ILRUN: variants seen among roughly 807,000 people sequenced by gnomAD.
ILRUN encodes the protein inflammation and lipid regulator with UBA-like and NBR1-like domains, also known as protein ILRUN.
A neutral mutation model predicts 33.8 loss-of-function variants in ILRUN; 3 were observed. That is an observed-to-expected ratio of 0.09 (90% CI 0.04 to 0.23). ILRUN has a LOEUF of 0.23. Among genes scored for constraint, ILRUN ranks in the 10% least tolerant of loss-of-function variants. The pLI is 1.00. For synonymous variants in ILRUN, 124 were observed against 138.9 expected (o/e 0.89, Z 0.75); for missense variants, 210 against 375.1 (o/e 0.56, Z 3.64).
chr6:34,614,842 C>T (rs1396684559), intron 3 of ILRUN, among the ~76,000 whole-genome samples: 1 of 152,134 alleles, frequency 6.6e-6, no homozygotes, highest in East Asian at 1.9e-4. Context: ...CTGTGGTATT[C>T]TTTCTAAACC....
chr6:34,646,760 C>T lies in ILRUN; in HGVS notation c.352G>A (p.Val118Ile). ...AWPPGVCLKY[V>I]GGDQFGHVNM... is the part of the protein sequence containing the mutation. ...ACATGTCCAAATTGGTCTCCCCCGA[C>T]ATATTTAAGACAAACCCCTGGAGGC... The change falls in exon 3 of 5, where the codon GTC becomes ATC. Residue 118 changes from valine (V) to isoleucine (I), a missense_variant. Around this residue, in one of 4 missense-constraint regions of ILRUN, gnomAD observed 60 missense variants for 138.1 expected, o/e 0.43. Coordinates refer to ENST00000374023, the MANE Select transcript of ILRUN (RefSeq NM_024294.4). This position sits in a 1 kb window ranked among gnomAD's most constrained non-coding sequence, Gnocchi z 4.9. 6.2e-7 allele frequency: 1 copy of T among 1,614,086 alleles called. No individual in the cohort carries two copies. The highest frequency in any genetic ancestry group is 8.5e-7 in the Non-Finnish European group (1 of 1,180,034).
chr6:34,696,401 G>A, intron 1 of ILRUN, 45 bp downstream of exon 1: 1 of 1,524,056 alleles, frequency 6.6e-7, no homozygotes. Context: ...TCCCCTCGGG[G>A]CCCCCGAGGC....
chr6:34,663,639 C>T (rs1762937467), intron 1 of ILRUN, among the ~76,000 whole-genome samples: 1 of 152,128 alleles, frequency 6.6e-6, no homozygotes, highest in African/African-American at 2.4e-5. Context: ...CCACCCCGTC[C>T]AGCTAAGGTC....
At chr6:34,638,111 C>A (rs191165680) in intron 3 of ILRUN, among the ~76,000 whole-genome samples, 1 of 152,106 alleles carries the variant, frequency 6.6e-6, no homozygotes, top group Non-Finnish European at 1.5e-5. Context: ...TGGTCTTGGG[C>A]TCCTGGGCTC....
At chr6:34,662,124 CAAAAAAAAAAAAAA>C (rs57423564) in intron 1 of ILRUN, among the ~76,000 whole-genome samples, 93 of 39,982 alleles carry the variant, frequency 2.3e-3, no homozygotes, top group South Asian at 6.2e-3. Flanking sequence ...GACTCCGTCT[CAAAAAAAAAAAAAA>C]AAAAAAAAAA....
At chr6:34,676,703 A>C (rs1237135711) in intron 1 of ILRUN, among the ~76,000 whole-genome samples, 1 of 152,090 alleles carries the variant, frequency 6.6e-6, no homozygotes, top group East Asian at 1.9e-4. Flanking sequence ...ATTTCAGTAC[A>C]TATATAAAAT....
chr6:34,587,704 G>A lies in ILRUN; in HGVS notation c.*2861C>T, dbSNP rs1205965589. On this transcript the variant is annotated 3_prime_UTR_variant, in exon 5 of 5. Coordinates refer to ENST00000374023, the MANE Select transcript of ILRUN (RefSeq NM_024294.4). ...CTTAAGGTTACAGCCAGTCCTTATG[G>A]GGGAGAGAAGGCTGACTGCTTCTTG... 1 of 187,520 alleles carries A rather than the reference G, an allele frequency of 5.3e-6. No individual in the cohort carries two copies. The highest frequency in any genetic ancestry group is 1.1e-5 in the Non-Finnish European group (1 of 91,418). 11.6% of individuals were successfully genotyped at this position (187,520 alleles called of 1,614,324 possible).
chr6:34,590,795 A>ATC (rs1487405884), intron 4 of ILRUN, among the ~76,000 whole-genome samples, 195 bp from the exon 5 acceptor site: 113 of 152,338 alleles, frequency 7.4e-4, no homozygotes, highest in African/African-American at 1.6e-3. Context: ...TTTCTCACTG[A>ATC]ATCCAAAGAT....
At chr6:34,621,973 C>T (rs899998303) in intron 3 of ILRUN, among the ~76,000 whole-genome samples, 3 of 152,114 alleles carry the variant, frequency 2.0e-5, no homozygotes, top group Admixed American at 6.5e-5. Context: ...ATTTCAACAA[C>T]GGTGCCAAAA....
At chr6:34,628,862 T>A (rs1762192530) in intron 3 of ILRUN, among the ~76,000 whole-genome samples, 2 of 151,022 alleles carry the variant, frequency 1.3e-5, no homozygotes, top group Non-Finnish European at 2.9e-5. Context: ...ACACCTGTAA[T>A]CCCAGGACTT....
chr6:34,696,620 C>T lies in ILRUN; in HGVS notation c.-17G>A. 6.3e-7 allele frequency: 1 copy of T among 1,579,464 alleles called. No individual in the cohort carries two copies. The highest frequency in any genetic ancestry group is 8.6e-7 in the Non-Finnish European group (1 of 1,166,266). ...GCCCTCCATGGCGGGGACCGGACAC[C>T]CGCTTCCCCGCCTCTTCACAACCAA... is the stretch of plus-strand genomic sequence containing the variant. On this transcript the variant is annotated 5_prime_UTR_variant, in exon 1 of 5. Coordinates refer to ENST00000374023, the MANE Select transcript of ILRUN (RefSeq NM_024294.4).
chr6:34,691,692 A>T (rs1222983626), intron 1 of ILRUN, among the ~76,000 whole-genome samples: 1 of 152,034 alleles, frequency 6.6e-6, no homozygotes, highest in Non-Finnish European at 1.5e-5. Flanking sequence ...GCTACTCGGG[A>T]GGCTGAGGCA....
chr6:34,626,294 G>A (rs531558283), intron 3 of ILRUN, among the ~76,000 whole-genome samples: 19 of 152,156 alleles, frequency 1.2e-4, no homozygotes, highest in African/African-American at 4.1e-4. Context: ...ACATTTGCCC[G>A]CAAAGTAGCT....
chr6:34,594,087 A>T (rs925941876), intron 4 of ILRUN, among the ~76,000 whole-genome samples: 1 of 152,218 alleles, frequency 6.6e-6, no homozygotes, highest in African/African-American at 2.4e-5. Flanking sequence ...CAATACAGAT[A>T]ACATTCACTC....
chr6:34,677,785 C>T (rs1763268275), intron 1 of ILRUN, among the ~76,000 whole-genome samples: 1 of 151,758 alleles, frequency 6.6e-6, no homozygotes, highest in Admixed American at 6.6e-5. Context: ...CCCCTATGTA[C>T]AAAAAATACA....
chr6:34,612,027 G>A (rs923563708), intron 3 of ILRUN, among the ~76,000 whole-genome samples: 4 of 152,194 alleles, frequency 2.6e-5, no homozygotes, highest in African/African-American at 4.8e-5. Flanking sequence ...TAGCCAAGGA[G>A]GTAGAATCAT....
intron 3 of ILRUN, among the ~76,000 whole-genome samples, chr6:34,617,945 A>G (rs1029128567): frequency 6.6e-6 from 1 of 152,218 alleles, no homozygotes; most frequent in Non-Finnish European, 1.5e-5. Context: ...TGAAGAGGAA[A>G]CAACAAAGAA....
At chr6:34,659,540 C>A (rs188181101) in intron 1 of ILRUN, among the ~76,000 whole-genome samples, 84 of 147,752 alleles carry the variant, frequency 5.7e-4, no homozygotes, top group Non-Finnish European at 8.9e-5. Context: ...AAACTGAATT[C>A]TTTAAAGAAT....
At chr6:34,603,085 T>C (rs1248203875) in intron 4 of ILRUN, among the ~76,000 whole-genome samples, 2 of 152,342 alleles carry the variant, frequency 1.3e-5, no homozygotes, top group East Asian at 3.9e-4. Flanking sequence ...ACTGTGGTCA[T>C]AGGCTTCCAG....
Sources: gnomAD v4.1 joint callset for allele counts (sites outside exome capture counted in the v4.1 genomes callset) on GRCh38, gnomAD v4.1.1 for gene constraint, gnomAD v4.1.1 regional missense constraint, Gnocchi (gnomAD v3.1) non-coding constraint, MANE v1.5 for transcripts, NCBI Gene and HGNC (gene_info 2026-07-23, HGNC 2026-07-21) for gene names.